The following ST3GAL3 variants were observed in gnomAD, a reference collection of about 807,000 sequenced individuals.
ST3GAL3 encodes ST3 beta-galactoside alpha-2,3-sialyltransferase 3.
A neutral mutation model predicts 50.1 loss-of-function variants in ST3GAL3; 21 were observed. That is an observed-to-expected ratio of 0.42 (90% CI 0.30 to 0.60). ST3GAL3 has a LOEUF of 0.60. Ranked by LOEUF, ST3GAL3 falls within the 20% of genes least tolerant of loss-of-function variation. The pLI, the probability that ST3GAL3 is intolerant of heterozygous loss-of-function variation, is 0.19. For synonymous variants in ST3GAL3, 183 were observed against 190.0 expected (o/e 0.96, Z 0.30); for missense variants, 353 against 489.4 (o/e 0.72, Z 2.63).
chr1:43,897,033 A>T (rs2077482859), intron 6 of ST3GAL3, among the ~76,000 whole-genome samples: 1 of 67,012 alleles, frequency 1.5e-5, no homozygotes, highest in African/African-American at 4.1e-5. Flanking sequence ...GCTGTAGGTC[A>T]TTGATTTTTT....
At chr1:43,799,521 G>C (rs1222545099) in intron 3 of ST3GAL3, 3 of 152,194 alleles carry the variant, frequency 2.0e-5, no homozygotes, top group Admixed American at 6.5e-5. Flanking sequence ...TTCTGTGTGT[G>C]TCCTAACAAG....
Position 43,899,151 on chromosome 1 carries a change from C to T in ST3GAL3, c.462-17C>T, listed in dbSNP as rs749798569. On this transcript the variant is annotated splice_polypyrimidine_tract_variant and intron_variant, in intron 7 of 11. Transcript: ENST00000347631. The surrounding 1 kb of genome is among the most constrained non-coding windows in gnomAD (Gnocchi z 5.4). ...GGGCAGCTCTCTGTACAGAGGTCTC[C>T]GCCTCTCTCCCCTCAGCCTCCGCTG... The T allele has an allele frequency of 1.2e-5, 19 of 1,613,958 alleles. No individual in the cohort carries two copies. In the Admixed American group the frequency reaches 1.7e-4, roughly 14 times the overall value.
chr1:43,736,415 G>A, intron 2 of ST3GAL3, 35 bp downstream of exon 2: 1 of 1,614,136 alleles, frequency 6.2e-7, no homozygotes, highest in Non-Finnish European at 8.5e-7. Context: ...CCCAGGAGAA[G>A]CCTGTTGCAG....
At chr1:43,911,550 G>C (rs758157862) in intron 9 of ST3GAL3, among the ~76,000 whole-genome samples, 1 of 151,544 alleles carries the variant, frequency 6.6e-6, no homozygotes, top group Non-Finnish European at 1.5e-5. Context: ...TGTAGCTATA[G>C]ATATCTATAG....
At chr1:43,886,463 A>G (rs1267091011) in intron 5 of ST3GAL3, among the ~76,000 whole-genome samples, 3 of 152,256 alleles carry the variant, frequency 2.0e-5, no homozygotes, top group Non-Finnish European at 4.4e-5. Context: ...TATATGTATC[A>G]CAACATCACT....
At chr1:43,881,870 G>A (rs1258197631) in intron 5 of ST3GAL3, among the ~76,000 whole-genome samples, 1 of 152,232 alleles carries the variant, frequency 6.6e-6, no homozygotes, top group African/African-American at 2.4e-5. Context: ...TGTCCATGAG[G>A]ATCACACAGA....
chr1:43,728,463 G>A (rs1410273414), intron 1 of ST3GAL3, among the ~76,000 whole-genome samples: 1 of 152,178 alleles, frequency 6.6e-6, no homozygotes, highest in Admixed American at 6.5e-5. Flanking sequence ...TATGTTGGGG[G>A]GGTGGGCACA....
chr1:43,907,103 A>G (rs893179499), intron 9 of ST3GAL3, among the ~76,000 whole-genome samples: 3 of 152,194 alleles, frequency 2.0e-5, no homozygotes, highest in African/African-American at 7.2e-5. Context: ...GTTTATATGC[A>G]TCATCTCAGC....
intron 2 of ST3GAL3, among the ~76,000 whole-genome samples, chr1:43,757,975 G>A (rs892419390): frequency 6.7e-6 from 1 of 149,302 alleles, no homozygotes; most frequent in African/African-American, 2.5e-5. Context: ...TTACTATTCA[G>A]TAATAAGTAG....
chr1:43,819,466 C>T (rs1014350304), intron 4 of ST3GAL3, among the ~76,000 whole-genome samples: 4 of 136,530 alleles, frequency 2.9e-5, no homozygotes, highest in African/African-American at 1.1e-4. Context: ...ATGTAAAAGA[C>T]ATTCTTAACT....
chr1:43,736,711 C>T (rs1053341933), intron 2 of ST3GAL3: 32 of 407,762 alleles, frequency 7.8e-5, no homozygotes, highest in Non-Finnish European at 1.2e-4. Context: ...TATTGCCACT[C>T]TATTTTGCCA....
chr1:43,765,959 A>G lies in ST3GAL3; in HGVS notation c.119-26143A>G, dbSNP rs916418110. Among the ~76,000 whole-genome samples, 54 of 152,074 alleles carry G rather than the reference A, an allele frequency of 3.6e-4. 1 individual carries two copies. Among genetic ancestry groups the G allele is most frequent in the African/African-American group, 1.2e-3 (49 of 41,390 alleles). On this transcript the variant is annotated intron_variant, in intron 2 of 11. Transcript: ENST00000347631. ...AACAATGGAGATAGATGTGTGCTGCAGGGAAGCACATGAGCTTCTCTGTGC... is the reference window on the plus strand; with the variant it reads ...AACAATGGAGATAGATGTGTGCTGCGGGGAAGCACATGAGCTTCTCTGTGC...
At chr1:43,868,117 A>G (rs2071778442) in intron 5 of ST3GAL3, among the ~76,000 whole-genome samples, 1 of 152,230 alleles carries the variant, frequency 6.6e-6, no homozygotes, top group African/African-American at 2.4e-5. Context: ...GAAACACCCT[A>G]AGTGCCTCTG....
chr1:43,895,400 A>G (rs1203468683), intron 6 of ST3GAL3, among the ~76,000 whole-genome samples: 6 of 152,120 alleles, frequency 3.9e-5, no homozygotes, highest in Non-Finnish European at 8.8e-5. Flanking sequence ...GTTCTGTGCT[A>G]TTTCATGGCA....
chr1:43,899,779 C>A lies in ST3GAL3; in HGVS notation c.744+52C>A. On this transcript the variant is annotated intron_variant, in intron 9 of 11. Transcript: ENST00000347631. This position sits in a 1 kb window ranked among gnomAD's most constrained non-coding sequence, Gnocchi z 5.4. Reference sequence around the variant, plus strand: ...CCCCTCTTGCCCTGGGCTTCCGCAACTCCTAAGCAATCCCGCCCCTTGAAT... The same window carrying A: ...CCCCTCTTGCCCTGGGCTTCCGCAAATCCTAAGCAATCCCGCCCCTTGAAT... The A allele has an allele frequency of 6.5e-7, 1 of 1,533,464 alleles. No homozygotes were observed. Among genetic ancestry groups the A allele is most frequent in the Non-Finnish European group, 9.0e-7 (1 of 1,108,260 alleles). The allele number at this position is 1,533,464 out of a possible 1,614,324, so 95.0% of individuals were successfully genotyped here.
chr1:43,824,394 G>A (rs1388296515), intron 4 of ST3GAL3, among the ~76,000 whole-genome samples: 1 of 151,782 alleles, frequency 6.6e-6, no homozygotes, highest in East Asian at 1.9e-4. Context: ...AGGGGTGTGT[G>A]TGTGGTGGGA....
intron 2 of ST3GAL3, among the ~76,000 whole-genome samples, chr1:43,787,937 A>T (rs1041298297): frequency 6.6e-6 from 1 of 152,216 alleles, no homozygotes; most frequent in Non-Finnish European, 1.5e-5. Context: ...AATTAAAGAG[A>T]AAAGCTCAAC....
intron 3 of ST3GAL3, among the ~76,000 whole-genome samples, chr1:43,810,902 C>T (rs2060481657): frequency 6.6e-6 from 1 of 150,950 alleles, no homozygotes; most frequent in African/African-American, 2.5e-5. Context: ...CCCTCTATTC[C>T]AGTCACTTTC....
chr1:43,860,854 G>T (rs2069736401), intron 5 of ST3GAL3, among the ~76,000 whole-genome samples: 1 of 152,342 alleles, frequency 6.6e-6, no homozygotes, highest in African/African-American at 2.4e-5. Flanking sequence ...CCTAATTTCA[G>T]ACCTTTTCTG....
Sources: allele counts gnomAD v4.1 joint callset (sites outside exome capture counted in the v4.1 genomes callset), GRCh38; gene constraint gnomAD v4.1.1; non-coding constraint Gnocchi (gnomAD v3.1); transcripts MANE v1.5; gene names NCBI Gene and HGNC (gene_info 2026-07-23, HGNC 2026-07-21).